Variants in SLC12A2 observed in about 807,000 individuals in gnomAD.
SLC12A2 encodes the protein Na-K-2Cl cotransporter 1.
A neutral mutation model predicts 136.3 loss-of-function variants in SLC12A2; 67 were observed. The ratio of observed to expected loss-of-function variants is 0.49; its 90% confidence interval spans 0.40 to 0.60. SLC12A2 has a LOEUF of 0.60. Ranked by LOEUF, SLC12A2 falls within the 20% of genes least tolerant of loss-of-function variation. The pLI, the probability that SLC12A2 is intolerant of heterozygous loss-of-function variation, is 0.00. For missense variants in SLC12A2, 1,322 were observed against 1,534.7 expected, an observed-to-expected ratio of 0.86 and a Z score of 2.32; for synonymous variants, 619 against 562.9, an observed-to-expected ratio of 1.10 and a Z score of -1.41.
At chr5:128,182,331 G>A (rs1464333409) in intron 23 of SLC12A2, among the ~76,000 whole-genome samples, 1 of 152,046 alleles carries the variant, frequency 6.6e-6, no homozygotes, top group Non-Finnish European at 1.5e-5. Flanking sequence ...GTATTTACTG[G>A]AAAATCAGGC....
chr5:128,132,175 A>G (rs996329621), intron 5 of SLC12A2, among the ~76,000 whole-genome samples: 1 of 152,142 alleles, frequency 6.6e-6, no homozygotes, highest in African/African-American at 2.4e-5. Context: ...TTTGGGATGT[A>G]GGGAAGTATC....
At chr5:128,134,445 T>A (rs1018550044) in intron 6 of SLC12A2, among the ~76,000 whole-genome samples, 170 bp downstream of exon 6, 3 of 152,068 alleles carry the variant, frequency 2.0e-5, no homozygotes, top group Non-Finnish European at 2.9e-5. Flanking sequence ...AGGCAGAGAA[T>A]CTTTGGAGAT....
At chr5:128,132,991 A>T (rs948475153) in intron 5 of SLC12A2, among the ~76,000 whole-genome samples, 1 of 152,154 alleles carries the variant, frequency 6.6e-6, no homozygotes, top group African/African-American at 2.4e-5. Flanking sequence ...ATATTGAGCT[A>T]TAGCAGTAGT....
chr5:128,153,674 C>T (rs1313127218), intron 15 of SLC12A2, among the ~76,000 whole-genome samples: 1 of 152,142 alleles, frequency 6.6e-6, no homozygotes, highest in Non-Finnish European at 1.5e-5. Flanking sequence ...AAATCTTTTC[C>T]ATGTTTATTA....
chr5:128,184,702 T>C (rs1364112803), intron 25 of SLC12A2, 87 bp from the exon 26 acceptor site: 1 of 1,585,288 alleles, frequency 6.3e-7, no homozygotes, highest in Non-Finnish European at 8.6e-7. Context: ...TTCATTTCAG[T>C]TTCTTTTTGT....
intron 1 of SLC12A2, among the ~76,000 whole-genome samples, chr5:128,085,254 A>G (rs1420946179): frequency 6.6e-6 from 1 of 151,974 alleles, no homozygotes; most frequent in Non-Finnish European, 1.5e-5. Flanking sequence ...TATACAAAGG[A>G]TCATAGAGAT....
intron 1 of SLC12A2, among the ~76,000 whole-genome samples, chr5:128,091,508 T>A (rs1760316619): frequency 6.6e-6 from 1 of 152,198 alleles, no homozygotes; most frequent in Non-Finnish European, 1.5e-5. Flanking sequence ...GTGGGTTGAT[T>A]CCACAAAGTG....
At chr5:128,119,353 T>C (rs1177959977) in intron 4 of SLC12A2, among the ~76,000 whole-genome samples, 4 of 152,322 alleles carry the variant, frequency 2.6e-5, no homozygotes, top group Admixed American at 2.0e-4. Flanking sequence ...GTTTATTGTT[T>C]AGTAATTTTA....
intron 1 of SLC12A2, among the ~76,000 whole-genome samples, chr5:128,107,260 CAT>C (rs934012035): frequency 5.9e-5 from 9 of 152,058 alleles, no homozygotes; most frequent in African/African-American, 2.2e-4. Context: ...GTCCCCTAGT[CAT>C]ATTTTTTTTT....
At chr5:128,160,843 TTGTGTGTGTGTG>T (rs145223863) in intron 16 of SLC12A2, among the ~76,000 whole-genome samples, 1 of 147,364 alleles carries the variant, frequency 6.8e-6, no homozygotes. Flanking sequence ...GGGTGTGTGT[TTGTGTGTGTGTG>T]TGTGTGTGTG....
chr5:128,183,165 T>G (rs1763760730), intron 24 of SLC12A2, among the ~76,000 whole-genome samples: 1 of 152,112 alleles, frequency 6.6e-6, no homozygotes, highest in East Asian at 1.9e-4. Flanking sequence ...TTACATGTGA[T>G]TTCTGAAAGG....
At position 128,184,518 on chromosome 5, in the gene SLC12A2, C is replaced by A; in HGVS notation, c.3435+17C>A. The stretch of plus-strand genomic sequence containing the variant: ...AAGACCAAGGTATTCTCTTCTGCTT[C>A]CTTTTCATTAATCTTTTATATAATA... On this transcript the variant is annotated intron_variant, in intron 25 of 26. Coordinates refer to ENST00000262461, the MANE Select transcript of SLC12A2 (RefSeq NM_001046.3). 1 of 1,562,108 alleles carries A rather than the reference C, an allele frequency of 6.4e-7. No homozygotes were observed. The highest frequency in any genetic ancestry group is 2.3e-5 in the East Asian group (1 of 44,262).
At chr5:128,110,079 GT>G in intron 1 of SLC12A2, 1 of 954,236 alleles carries the variant, frequency 1.0e-6, no homozygotes, top group East Asian at 2.4e-5. Flanking sequence ...AGATAACAAA[GT>G]TTATATCAAG....
chr5:128,106,894 C>T (rs1271343686), intron 1 of SLC12A2, among the ~76,000 whole-genome samples: 3 of 152,056 alleles, frequency 2.0e-5, no homozygotes, highest in African/African-American at 2.4e-5. Flanking sequence ...ATACATCTTT[C>T]GTTTTCTTTT....
At chr5:128,167,706 A>G in intron 17 of SLC12A2, 55 bp from the exon 18 acceptor site, 1 of 1,290,520 alleles carries the variant, frequency 7.7e-7, no homozygotes, top group South Asian at 1.4e-5. Context: ...TCACTTCAGA[A>G]AACATTTTGT....
chr5:128,135,596 C>G, intron 6 of SLC12A2, 104 bp from the exon 7 acceptor site: 1 of 771,936 alleles, frequency 1.3e-6, no homozygotes. Context: ...TCAGGCAAAA[C>G]AAGACAGAAA....
Position 128,187,387 on chromosome 5 carries a change from A to G in SLC12A2, c.*756A>G, listed in dbSNP as rs1283909648. 6.6e-6 allele frequency: 1 copy of G among 152,098 alleles called. No individual in the cohort carries two copies. The highest frequency in any genetic ancestry group is 1.5e-5 in the Non-Finnish European group (1 of 68,002). The allele number at this position is 152,098 out of a possible 1,614,324, so 9.4% of individuals were successfully genotyped here. A position where few individuals can be genotyped will look rare whatever the true frequency, so the allele number is the denominator to read the frequency against. On this transcript the variant is annotated 3_prime_UTR_variant, in exon 27 of 27. Transcript: ENST00000262461. ...GAAGATTCATCCCATACTTCTATAT[A>G]CCATGCTTAAAAATCACGTCATTCT...
intron 7 of SLC12A2, among the ~76,000 whole-genome samples, chr5:128,136,371 ATTAC>A (rs1762193609): frequency 6.6e-6 from 1 of 152,026 alleles, no homozygotes; most frequent in African/African-American, 2.4e-5. Context: ...AGTTTTTTAT[ATTAC>A]TTAGTGGTGT....
rs1312888697 is a variant in SLC12A2, at chr5:128,184,772, G to C, written c.3436-17G>C. On this transcript the variant is annotated splice_polypyrimidine_tract_variant and intron_variant, in intron 25 of 26. Transcript: ENST00000262461. ...ATTTCCACATGGTCTAGGAATGACT[G>C]TCCTGTTTCATTTCAGACATACCGG... 7.4e-6 allele frequency: 12 copies of C among 1,610,826 alleles called. No individual in the cohort carries two copies. Among genetic ancestry groups the C allele is most frequent in the Non-Finnish European group, 1.0e-5 (12 of 1,177,458 alleles).
Sources: allele counts gnomAD v4.1 joint callset (sites outside exome capture counted in the v4.1 genomes callset), GRCh38; gene constraint gnomAD v4.1.1; transcripts MANE v1.5; gene names NCBI Gene and HGNC (gene_info 2026-07-23, HGNC 2026-07-21).